The following SORCS2 variants were observed in gnomAD, a reference collection of about 807,000 sequenced individuals.
The protein encoded by SORCS2 is VPS10 domain-containing receptor SorCS2.
A neutral mutation model predicts 141.6 loss-of-function variants in SORCS2; 100 were observed. The ratio of observed to expected loss-of-function variants is 0.71; its 90% CI spans 0.60 to 0.83. SORCS2 has a LOEUF of 0.83. SORCS2 is among the 40% of genes least tolerant of loss of function. SORCS2 has a pLI of 0.00. For missense variants in SORCS2, 1,646 were observed against 1,560.2 expected, an observed-to-expected ratio of 1.05 and a Z score of -0.93; for synonymous variants, 789 against 676.9, an observed-to-expected ratio of 1.17 and a Z score of -2.57.
At chr4:7,209,228 AC>A (rs1276376499) in intron 1 of SORCS2, among the ~76,000 whole-genome samples, 2 of 152,124 alleles carry the variant, frequency 1.3e-5, no homozygotes, top group Admixed American at 6.5e-5. Flanking sequence ...TGGCTCTGTC[AC>A]CCTGTCCTTC....
At chr4:7,396,151 A>G in intron 1 of SORCS2, 137 bp from the exon 2 acceptor site, 4 of 697,930 alleles carry the variant, frequency 5.7e-6, no homozygotes, top group Non-Finnish European at 9.8e-6. Context: ...CCTCTCAGGG[A>G]TACTGACTAA....
rs1577668615 is a variant in SORCS2, at chr4:7,504,046, C to T, written c.549-27484C>T. 2.0e-5 allele frequency among the ~76,000 whole-genome samples: 3 copies of T among 152,220 alleles called. No individual in the cohort carries two copies. In the South Asian group the frequency reaches 6.2e-4, roughly 31 times the overall value. On this transcript the variant is annotated intron_variant, in intron 2 of 26. Transcript: ENST00000507866. ...AGAGGAGGAGCTTGTGCTTTCCCAC[C>T]CCTGACCTCAAACCCTTACAGGCCT...
chr4:7,262,496 C>T (rs1318293040), intron 1 of SORCS2, among the ~76,000 whole-genome samples: 3 of 152,096 alleles, frequency 2.0e-5, no homozygotes, highest in African/African-American at 4.8e-5. Flanking sequence ...CAGACATAGG[C>T]CCCTGTCCTC....
Position 7,610,440 on chromosome 4 carries a change from T to C in SORCS2, c.649-27888T>C, listed in dbSNP as rs1458742513. On this transcript the variant is annotated intron_variant, in intron 3 of 26. Transcript: ENST00000507866. ...TGTCTGTGCATACCTCCACTGTCACTCCAGGGGAGCTCTGCACGAGGCCCC... is the reference window on the plus strand; with the variant it reads ...TGTCTGTGCATACCTCCACTGTCACCCCAGGGGAGCTCTGCACGAGGCCCC... 3.9e-5 allele frequency among the ~76,000 whole-genome samples: 6 copies of C among 152,202 alleles called. No individual in the cohort carries two copies. In the East Asian group the frequency reaches 1.2e-3, roughly 29 times the overall value.
Position 7,579,375 on chromosome 4 carries a change from A to G in SORCS2, c.648+47746A>G, listed in dbSNP as rs549026970. Among the ~76,000 whole-genome samples the G allele has an allele frequency of 2.6e-5, 4 of 152,270 alleles. No homozygotes were observed. In the East Asian group the frequency reaches 5.8e-4, roughly 22 times the overall value. On this transcript the variant is annotated intron_variant, in intron 3 of 26. Transcript: ENST00000507866. Reference sequence around the variant, plus strand: ...CCCACCCGTGTGTGTGTGTGCACGCACCTGTGTGCAATATCATCATAGTCT... The same window carrying G: ...CCCACCCGTGTGTGTGTGTGCACGCGCCTGTGTGCAATATCATCATAGTCT...
chr4:7,443,594 T>G (rs1292051995), intron 2 of SORCS2, among the ~76,000 whole-genome samples: 2 of 152,210 alleles, frequency 1.3e-5, no homozygotes, highest in Admixed American at 6.5e-5. Context: ...GTCCTAAGGC[T>G]TAGCCTTATC....
chr4:7,534,714 C>T (rs1711965846), intron 3 of SORCS2, among the ~76,000 whole-genome samples: 1 of 152,154 alleles, frequency 6.6e-6, no homozygotes, highest in African/African-American at 2.4e-5. Flanking sequence ...AAAGCAGGCG[C>T]CTCCGGAAAG....
At chr4:7,722,404 G>A (rs1369426502) in intron 18 of SORCS2, among the ~76,000 whole-genome samples, 1 of 152,188 alleles carries the variant, frequency 6.6e-6, no homozygotes, top group Non-Finnish European at 1.5e-5. Context: ...GGAGAACGGA[G>A]CACCCTGCAG....
chr4:7,232,395 C>T (rs562100771), intron 1 of SORCS2, among the ~76,000 whole-genome samples: 19 of 152,284 alleles, frequency 1.2e-4, no homozygotes, highest in South Asian at 6.2e-4. Flanking sequence ...ACCCAGGGCC[C>T]GGCGCCTGGA....
rs994886185 is a variant in SORCS2, at chr4:7,648,552, C to T, written c.814-5582C>T. On this transcript the variant is annotated intron_variant, in intron 4 of 26. Transcript: ENST00000507866. The surrounding 1 kb of genome is among the most constrained non-coding windows in gnomAD (Gnocchi z 4.2). The stretch of plus-strand genomic sequence containing the variant: ...TGCTGGGAACAAAACAGACCAACCC[C>T]TGCCCTCGTGGGGCCTCCTTTCTAG... Among the ~76,000 whole-genome samples, 3 of 152,152 alleles carry T rather than the reference C, an allele frequency of 2.0e-5. No homozygotes were observed. The highest frequency in any genetic ancestry group is 2.0e-4 in the Admixed American group (3 of 15,282).
intron 2 of SORCS2, among the ~76,000 whole-genome samples, chr4:7,500,530 T>C (rs1161507339): frequency 1.3e-5 from 2 of 151,832 alleles, no homozygotes; most frequent in African/African-American, 2.4e-5. Context: ...GTATTCAAGT[T>C]AAGAAATAAC....
chr4:7,296,998 G>C (rs1332783342), intron 1 of SORCS2, among the ~76,000 whole-genome samples: 1 of 152,160 alleles, frequency 6.6e-6, no homozygotes, highest in Non-Finnish European at 1.5e-5. Flanking sequence ...CGGCCTCTGG[G>C]GATTTGAACT....
intron 2 of SORCS2, among the ~76,000 whole-genome samples, chr4:7,481,760 A>G (rs1413738989): frequency 6.6e-6 from 1 of 152,108 alleles, no homozygotes; most frequent in African/African-American, 2.4e-5. Flanking sequence ...GGTGTCCTGG[A>G]GAGAACCCAG....
chr4:7,607,741 G>T (rs1383510368), intron 3 of SORCS2, among the ~76,000 whole-genome samples: 1 of 152,180 alleles, frequency 6.6e-6, no homozygotes, highest in Non-Finnish European at 1.5e-5. Flanking sequence ...GAGCAGCATA[G>T]TTCCCATGCT....
At chr4:7,531,661 G>C (rs1394243512) in intron 3 of SORCS2, 32 bp downstream of exon 3, 1 of 1,593,892 alleles carries the variant, frequency 6.3e-7, no homozygotes, top group Admixed American at 1.7e-5. Context: ...CCGCCACTCT[G>C]GCTCTCGCCT....
chr4:7,672,024 A>C (rs1443299188), intron 8 of SORCS2, among the ~76,000 whole-genome samples: 1 of 150,690 alleles, frequency 6.6e-6, no homozygotes, highest in African/African-American at 2.5e-5. Context: ...GCTCACTGCA[A>C]CCTCCACCTC....
chr4:7,617,360 AC>A (rs1718835613), intron 3 of SORCS2, among the ~76,000 whole-genome samples: 1 of 152,018 alleles, frequency 6.6e-6, no homozygotes, highest in Non-Finnish European at 1.5e-5. Context: ...ATATGCACCT[AC>A]CCATCCACCC....
intron 1 of SORCS2, among the ~76,000 whole-genome samples, chr4:7,350,188 C>T (rs182022020): frequency 1.4e-4 from 22 of 152,324 alleles, no homozygotes; most frequent in Admixed American, 9.8e-4. Context: ...CCACTCTGTG[C>T]GAATTTCCCT....
chr4:7,724,880 G>A lies in SORCS2; in HGVS notation c.2612-274G>A, dbSNP rs1256261991. Among the ~76,000 whole-genome samples, 325 of 73,794 alleles carry A rather than the reference G, an allele frequency of 4.4e-3. 56 individuals are homozygous for A. Among genetic ancestry groups the A allele is most frequent in the African/African-American group, 0.018 (305 of 17,062 alleles). The allele number at this position is 73,794 out of a possible 152,430, so 48.4% of individuals were successfully genotyped here. On this transcript the variant is annotated intron_variant, in intron 19 of 26. Transcript: ENST00000507866. ...GGTGATGGTGGTGGTAGTGGTGATG[G>A]TGGTGGTGTTGGTGATGGTGGTGAT...
Sources: gnomAD v4.1 joint callset for allele counts (sites outside exome capture counted in the v4.1 genomes callset) on GRCh38, gnomAD v4.1.1 for gene constraint, Gnocchi (gnomAD v3.1) non-coding constraint, MANE v1.5 for transcripts, NCBI Gene and HGNC (gene_info 2026-07-23, HGNC 2026-07-21) for gene names.